Variants in ATP8B4 observed in about 807,000 individuals in gnomAD.
ATP8B4 encodes the protein probable phospholipid-transporting ATPase IM.
A neutral mutation model predicts 145.6 loss-of-function variants in ATP8B4; 133 were observed. The observed-to-expected ratio is 0.91, with a 90% CI of 0.79 to 1.05. The LOEUF is 1.05. Ranked by LOEUF, ATP8B4 falls within the 50% of genes least tolerant of loss-of-function variation. ATP8B4 has a pLI of 0.00. For synonymous variants in ATP8B4, 507 were observed against 492.9 expected, an observed-to-expected ratio of 1.03 and a Z score of -0.38; for missense variants, 1,458 against 1,425.2, an observed-to-expected ratio of 1.02 and a Z score of -0.37.
At chr15:49,910,164 A>T (rs1015200371) in intron 20 of ATP8B4, among the ~76,000 whole-genome samples, 4 of 152,186 alleles carry the variant, frequency 2.6e-5, no homozygotes, top group Non-Finnish European at 5.9e-5. Flanking sequence ...ACGAAGAACC[A>T]AACAGAAATC....
chr15:50,091,187 A>G (rs72734880), intron 2 of ATP8B4, among the ~76,000 whole-genome samples: 193 of 152,262 alleles, frequency 1.3e-3, no homozygotes, highest in South Asian at 6.0e-3. Flanking sequence ...TTGTGAGAGC[A>G]ACATTAGATG....
chr15:50,175,483 A>G (rs1212229657), intron 1 of ATP8B4, among the ~76,000 whole-genome samples: 1 of 152,186 alleles, frequency 6.6e-6, no homozygotes, highest in Non-Finnish European at 1.5e-5. Context: ...GAAACTAACC[A>G]ACGAATCTAA....
chr15:50,168,238 C>T (rs8037605), intron 1 of ATP8B4, among the ~76,000 whole-genome samples: 150,454 of 152,264 alleles, frequency 0.99, 74,362 homozygotes, highest in Middle Eastern at 1. Flanking sequence ...GCTCGCATTG[C>T]GAATTTTAGC....
chr15:50,073,292 A>G (rs2053971691), intron 3 of ATP8B4, among the ~76,000 whole-genome samples: 1 of 151,538 alleles, frequency 6.6e-6, no homozygotes. Context: ...GAGTCCATGT[A>G]TTCTCATTGT....
chr15:49,864,973 T>G (rs1206953780), intron 26 of ATP8B4, among the ~76,000 whole-genome samples: 2 of 152,228 alleles, frequency 1.3e-5, no homozygotes, highest in African/African-American at 4.8e-5. Context: ...GATTTAAAAC[T>G]CCTTGAAATC....
At chr15:49,887,130 C>T (rs773058922) in intron 23 of ATP8B4, among the ~76,000 whole-genome samples, 1 of 152,068 alleles carries the variant, frequency 6.6e-6, no homozygotes, top group African/African-American at 2.4e-5. Context: ...TCTTCTACAA[C>T]AGGTTTCTGT....
intron 1 of ATP8B4, among the ~76,000 whole-genome samples, chr15:50,145,719 C>T (rs2044267768): frequency 6.6e-6 from 1 of 151,974 alleles, no homozygotes; most frequent in South Asian, 2.1e-4. Context: ...CACAGGTGCA[C>T]TCAGGTACAC....
chr15:50,087,331 T>A (rs1204898771), intron 2 of ATP8B4, among the ~76,000 whole-genome samples: 5 of 28,698 alleles, frequency 1.7e-4, no homozygotes, highest in African/African-American at 1.4e-3. Flanking sequence ...AGATCTATAT[T>A]TATATATAAT....
At chr15:49,917,211 C>A (rs892484660) in intron 19 of ATP8B4, 172 bp from the exon 20 acceptor site, 6 of 555,670 alleles carry the variant, frequency 1.1e-5, no homozygotes, top group Admixed American at 3.5e-5. Flanking sequence ...AATTCAAAGA[C>A]CTGGGTTTCA....
chr15:50,022,273 C>T (rs71469672), intron 6 of ATP8B4, among the ~76,000 whole-genome samples: 3 of 152,112 alleles, frequency 2.0e-5, no homozygotes, highest in Non-Finnish European at 4.4e-5. Context: ...TTCTCAGAAG[C>T]CTCCTTTGTT....
intron 1 of ATP8B4, among the ~76,000 whole-genome samples, chr15:50,169,386 G>A (rs780578574): frequency 7.4e-4 from 112 of 152,290 alleles, no homozygotes; most frequent in African/African-American, 2.6e-3. Flanking sequence ...GTACCAGCCC[G>A]GAGTCAGGTA....
At chr15:49,966,421 C>T (rs979479087) in intron 13 of ATP8B4, among the ~76,000 whole-genome samples, 3 of 152,164 alleles carry the variant, frequency 2.0e-5, no homozygotes, top group Non-Finnish European at 2.9e-5. Flanking sequence ...CTGGGACGCT[C>T]GAACTTGGTG....
intron 6 of ATP8B4, among the ~76,000 whole-genome samples, chr15:50,027,067 T>C (rs1028897567): frequency 3.9e-5 from 6 of 152,160 alleles, no homozygotes; most frequent in Admixed American, 3.3e-4. Context: ...GTTCAATGGC[T>C]GACCTTTGCT....
At chr15:50,056,820 T>C (rs1368217802) in intron 3 of ATP8B4, among the ~76,000 whole-genome samples, 2 of 151,840 alleles carry the variant, frequency 1.3e-5, no homozygotes, top group Non-Finnish European at 2.9e-5. Flanking sequence ...TATACACACA[T>C]ATAAATATTA....
chr15:49,982,119 T>C (rs756159788), intron 10 of ATP8B4, among the ~76,000 whole-genome samples: 3 of 152,074 alleles, frequency 2.0e-5, no homozygotes, highest in African/African-American at 4.8e-5. Context: ...TTTCAATCCA[T>C]AGAGCCATTT....
intron 1 of ATP8B4, among the ~76,000 whole-genome samples, chr15:50,162,779 T>C (rs2044541501): frequency 6.6e-6 from 1 of 152,230 alleles, no homozygotes; most frequent in African/African-American, 2.4e-5. Flanking sequence ...GTGCTGGAAT[T>C]ACAGGCGTGA....
chr15:50,138,409 TGATA>T (rs56946522), intron 1 of ATP8B4, among the ~76,000 whole-genome samples: 46,729 of 142,674 alleles, frequency 0.33, 7,943 homozygotes, highest in African/African-American at 0.49. Context: ...GACAGAGAGA[TGATA>T]GATAGATAGA....
At chr15:50,117,802 T>C (rs1414967450) in intron 1 of ATP8B4, among the ~76,000 whole-genome samples, 1 of 152,224 alleles carries the variant, frequency 6.6e-6, no homozygotes, top group Non-Finnish European at 1.5e-5. Context: ...TTATATACAA[T>C]GGAATATTAT....
At chr15:49,961,233 T>C (rs937249785) in intron 14 of ATP8B4, among the ~76,000 whole-genome samples, 2 of 152,136 alleles carry the variant, frequency 1.3e-5, no homozygotes, top group Admixed American at 1.3e-4. Context: ...AAGTTAAAAT[T>C]AGAACCAATA....
Sources: allele counts gnomAD v4.1 joint callset (sites outside exome capture counted in the v4.1 genomes callset), GRCh38; gene constraint gnomAD v4.1.1; transcripts MANE v1.5; gene names NCBI Gene and HGNC (gene_info 2026-07-23, HGNC 2026-07-21).